FHIP1A: variants seen among roughly 807,000 people sequenced by gnomAD.
The protein encoded by FHIP1A is FHF complex subunit HOOK-interacting protein 1A.
FHIP1A carries 61 observed loss-of-function variants against 88.6 expected under a neutral mutation model. The ratio of observed to expected loss-of-function variants is 0.69; its 90% CI spans 0.56 to 0.85. FHIP1A has a LOEUF of 0.85. Ranked by LOEUF, FHIP1A falls within the 40% of genes least tolerant of loss-of-function variation. The pLI is 0.00. For synonymous variants in FHIP1A, 478 were observed against 496.0 expected, an observed-to-expected ratio of 0.96 and a Z score of 0.48; for missense variants, 1,154 against 1,273.5, an observed-to-expected ratio of 0.91 and a Z score of 1.43.
At chr4:151,586,375 C>T (rs1734213825) in intron 5 of FHIP1A, among the ~76,000 whole-genome samples, 2 of 152,196 alleles carry the variant, frequency 1.3e-5, no homozygotes, top group Non-Finnish European at 2.9e-5. Context: ...GTGCCTGGCA[C>T]ATGAGAGATG....
At chr4:151,509,470 C>T (rs949349493) in intron 3 of FHIP1A, among the ~76,000 whole-genome samples, 3 of 152,152 alleles carry the variant, frequency 2.0e-5, no homozygotes, top group South Asian at 2.1e-4. Context: ...TGGCCAAGTT[C>T]TTTACCTTCC....
At position 151,649,465 on chromosome 4, in the gene FHIP1A, T is replaced by A; in HGVS notation, c.1424T>A (p.Val475Glu). The A allele has an allele frequency of 6.5e-7, 1 of 1,546,328 alleles. No individual in the cohort carries two copies. The highest frequency in any genetic ancestry group is 8.7e-7 in the Non-Finnish European group (1 of 1,144,294). ...GCCTCTGCCTCCTGTGCAGGGCCTG[T>A]GGAGCGGCCATTCCCCGAAGCGTTC... ...SKCMHDTSGP[V>E]ERPFPEAFSE... Residue 475 changes from valine to glutamate, a missense_variant, in exon 11 of 14, where the codon GTG (valine) becomes GAG (glutamate). Physicochemically the swap from Val to Glu is moderately radical, Grantham distance 121 (BLOSUM62 -2). Transcript: ENST00000435205.
intron 1 of FHIP1A, among the ~76,000 whole-genome samples, chr4:151,441,454 T>C (rs1465830061): frequency 1.3e-5 from 2 of 152,018 alleles, no homozygotes; most frequent in African/African-American, 2.4e-5. Flanking sequence ...GAATTGATTG[T>C]GTGTGTGTAT....
At chr4:151,573,291 C>CACACACAT (rs1472383971) in intron 4 of FHIP1A, among the ~76,000 whole-genome samples, 3 of 151,824 alleles carry the variant, frequency 2.0e-5, no homozygotes, top group African/African-American at 7.3e-5. Context: ...CACACACACA[C>CACACACAT]ACATACACAC....
At chr4:151,587,221 C>T (rs1468916551) in intron 6 of FHIP1A, among the ~76,000 whole-genome samples, 1 of 152,026 alleles carries the variant, frequency 6.6e-6, no homozygotes, top group East Asian at 1.9e-4. Context: ...TATTGTTATC[C>T]TGATTGAATT....
chr4:151,488,978 C>G (rs1188216816), intron 3 of FHIP1A, among the ~76,000 whole-genome samples: 1 of 152,204 alleles, frequency 6.6e-6, no homozygotes, highest in African/African-American at 2.4e-5. Flanking sequence ...ACAGACAGAA[C>G]AGCATATGGA....
rs987218806 is a variant in FHIP1A, at chr4:151,666,121, T to C, written c.*3367T>C. ...TATGAGAGCACTGGGATATTTAAAATTGATTTTTTGGAAATGGCCAAGTAA... is the reference window on the plus strand; with the variant it reads ...TATGAGAGCACTGGGATATTTAAAACTGATTTTTTGGAAATGGCCAAGTAA... On this transcript the variant is annotated 3_prime_UTR_variant, in exon 14 of 14. Coordinates refer to ENST00000435205, the MANE Select transcript of FHIP1A (RefSeq NM_001109977.3). Among the ~76,000 whole-genome samples the C allele has an allele frequency of 6.6e-6, 1 of 152,234 alleles. No individual in the cohort carries two copies. Among genetic ancestry groups the C allele is most frequent in the Non-Finnish European group, 1.5e-5 (1 of 68,044 alleles).
At chr4:151,460,740 G>C (rs957317066) in intron 2 of FHIP1A, among the ~76,000 whole-genome samples, 2 of 152,158 alleles carry the variant, frequency 1.3e-5, no homozygotes, top group Non-Finnish European at 2.9e-5. Context: ...TCCAAAATCA[G>C]CTGAAGAATT....
intron 1 of FHIP1A, among the ~76,000 whole-genome samples, chr4:151,436,884 A>G (rs866502168): frequency 1.3e-5 from 2 of 152,314 alleles, no homozygotes; most frequent in South Asian, 4.1e-4. Flanking sequence ...TAGTATTTGC[A>G]TATAACCTAC....
chr4:151,635,577 G>A (rs1289930739), intron 8 of FHIP1A, among the ~76,000 whole-genome samples: 1 of 151,848 alleles, frequency 6.6e-6, no homozygotes, highest in Non-Finnish European at 1.5e-5. Flanking sequence ...CTTGTCATAT[G>A]CTACAACACG....
intron 1 of FHIP1A, among the ~76,000 whole-genome samples, chr4:151,438,432 G>A (rs1223132866): frequency 6.6e-6 from 1 of 151,816 alleles, no homozygotes; most frequent in South Asian, 2.1e-4. Flanking sequence ...ACCAGAAAAA[G>A]GATTTAATTC....
chr4:151,608,743 C>T (rs1735178842), intron 7 of FHIP1A, among the ~76,000 whole-genome samples: 1 of 152,216 alleles, frequency 6.6e-6, no homozygotes. Flanking sequence ...GTAATCCCCA[C>T]CTTGTCAGCC....
chr4:151,519,987 T>A (rs1462600387), intron 3 of FHIP1A, among the ~76,000 whole-genome samples: 1 of 152,168 alleles, frequency 6.6e-6, no homozygotes, highest in South Asian at 2.1e-4. Flanking sequence ...CAGATACCAG[T>A]TCTTTGTCAG....
intron 4 of FHIP1A, among the ~76,000 whole-genome samples, chr4:151,571,165 G>A (rs1248057293): frequency 6.6e-6 from 1 of 152,128 alleles, no homozygotes; most frequent in Non-Finnish European, 1.5e-5. Flanking sequence ...TTTTCTATCT[G>A]CTCCTTTCAA....
intron 5 of FHIP1A, among the ~76,000 whole-genome samples, chr4:151,579,369 T>A (rs1733938035): frequency 6.6e-6 from 1 of 152,196 alleles, no homozygotes; most frequent in East Asian, 1.9e-4. Flanking sequence ...ATGTGGGATA[T>A]CTCTGTACCT....
At chr4:151,633,581 C>T (rs1736235645) in intron 8 of FHIP1A, among the ~76,000 whole-genome samples, 1 of 151,956 alleles carries the variant, frequency 6.6e-6, no homozygotes, top group East Asian at 1.9e-4. Context: ...AAGCATTAAA[C>T]AGCACATGGT....
chr4:151,640,469 A>G (rs529604888), intron 9 of FHIP1A, among the ~76,000 whole-genome samples: 14 of 152,322 alleles, frequency 9.2e-5, no homozygotes, highest in African/African-American at 3.4e-4. Flanking sequence ...TCTTTCCTAA[A>G]AGGATTATGT....
rs1451768516 is a variant in FHIP1A, at chr4:151,664,243, G to A, written c.*1489G>A. Among the ~76,000 whole-genome samples the A allele has an allele frequency of 6.6e-6, 1 of 152,224 alleles. No individual in the cohort carries two copies. Among genetic ancestry groups the A allele is most frequent in the Non-Finnish European group, 1.5e-5 (1 of 68,046 alleles). ...CAGGTCTGGTGGTTGTGCCTCAGGA[G>A]CACTGGTTTGGTCTTAATCAGGCCT... is the stretch of plus-strand genomic sequence containing the variant. On this transcript the variant is annotated 3_prime_UTR_variant, in exon 14 of 14. Coordinates refer to ENST00000435205, the MANE Select transcript of FHIP1A (RefSeq NM_001109977.3).
Position 151,662,537 on chromosome 4 carries a change from A to C in FHIP1A, c.2906A>C (p.Lys969Thr). 1.3e-6 allele frequency: 2 copies of C among 1,547,068 alleles called. No individual in the cohort carries two copies. The change falls in exon 14 of 14, where the codon AAG becomes ACG. Residue 969 changes from lysine to threonine, a missense_variant. Coordinates refer to ENST00000435205, the MANE Select transcript of FHIP1A (RefSeq NM_001109977.3). ...GAGGCTTCCAGGACAGGAAGTGGCA[A>C]GAACCTTTTGGATGGACCTCCAAGA... Reference protein sequence around the residue: ...IQEASRTGSGKNLLDGPPRVL... With the variant: ...IQEASRTGSGTNLLDGPPRVL...
Sources: allele counts gnomAD v4.1 joint callset (sites outside exome capture counted in the v4.1 genomes callset), GRCh38; gene constraint gnomAD v4.1.1; transcripts MANE v1.5; gene names NCBI Gene and HGNC (gene_info 2026-07-23, HGNC 2026-07-21).